The following TRANK1 variants were observed in gnomAD, a reference collection of about 807,000 sequenced individuals.
The protein encoded by TRANK1 is tetratricopeptide repeat and ankyrin repeat containing 1.
TRANK1 carries 198 observed loss-of-function variants against 266.0 expected under a neutral mutation model. The ratio of observed to expected loss-of-function variants is 0.74; its 90% CI spans 0.66 to 0.84. The LOEUF (loss-of-function observed/expected upper bound fraction) is 0.84. Among genes scored for constraint, TRANK1 ranks in the 40% least tolerant of loss-of-function variants. The probability of loss-of-function intolerance (pLI) is 0.00; values close to 1 mark genes in which losing one functional copy is unlikely to be tolerated. For missense variants in TRANK1, 3,326 were observed against 3,634.6 expected, an observed-to-expected ratio of 0.92 and a Z score of 2.18; for synonymous variants, 1,396 against 1,384.1, an observed-to-expected ratio of 1.01 and a Z score of -0.19.
intron 8 of TRANK1, among the ~76,000 whole-genome samples, chr3:36,886,584 A>G (rs2079609169): frequency 6.6e-6 from 1 of 152,164 alleles, no homozygotes; most frequent in Non-Finnish European, 1.5e-5. Context: ...AGAGTGAAAC[A>G]TGCTGGATTT....
intron 9 of TRANK1, among the ~76,000 whole-genome samples, chr3:36,868,938 G>A (rs2079265847): frequency 6.6e-6 from 1 of 152,340 alleles, no homozygotes; most frequent in South Asian, 2.1e-4. Flanking sequence ...GTAAATCAGA[G>A]AGAAGATCAC....
At chr3:36,913,909 C>A (rs1202713951) in intron 1 of TRANK1, among the ~76,000 whole-genome samples, 1 of 152,102 alleles carries the variant, frequency 6.6e-6, no homozygotes, top group African/African-American at 2.4e-5. Flanking sequence ...TTATCCCCTT[C>A]GCCCATCAAC....
At chr3:36,840,233 CAAA>C (rs755362525) in intron 18 of TRANK1, among the ~76,000 whole-genome samples, 4 of 131,828 alleles carry the variant, frequency 3.0e-5, no homozygotes, top group Middle Eastern at 3.8e-3. Flanking sequence ...CCTGCCCCAC[CAAA>C]AAAAAAAAAA....
In TRANK1 at chr3:36,832,839, T is replaced by C; in HGVS notation, c.6744A>G (p.Glu2248=). The C allele has an allele frequency of 6.2e-7, 1 of 1,614,020 alleles. No homozygotes were observed. The highest frequency in any genetic ancestry group is 8.5e-7 in the Non-Finnish European group (1 of 1,179,866). ...AKKVFPKILA[E]ELKEIDYILS... ...AAATATAATCAATTTCTTTAAGTTC[T>C]TCTGCTAAGATTTTAGGGAATACTT... The change falls in exon 22 of 24, where the codon GAA becomes GAG. Residue 2248 remains glutamate (E), a synonymous_variant. Coordinates refer to ENST00000645898, the MANE Select transcript of TRANK1 (RefSeq NM_001329998.2).
chr3:36,944,570 C>A (rs1450909852), intron 1 of TRANK1, among the ~76,000 whole-genome samples: 1 of 152,106 alleles, frequency 6.6e-6, no homozygotes, highest in Non-Finnish European at 1.5e-5. Context: ...CTGGTCCCTC[C>A]GGACCGAAAA....
chr3:36,828,480 A>G (rs2078656561), intron 23 of TRANK1, 105 bp from the exon 24 acceptor site: 1 of 833,458 alleles, frequency 1.2e-6, no homozygotes, highest in African/African-American at 1.7e-5. Context: ...GGAGGAAGGA[A>G]GAAAGGAAGG....
chr3:36,880,181 T>TACTA (rs35676284), intron 8 of TRANK1: 5,563 of 100,092 alleles, frequency 0.056, 37 homozygotes, highest in East Asian at 0.17. Context: ...TGTGAACAAT[T>TACTA]ACATCATCTT....
At chr3:36,835,042 G>A (rs2078748796) in intron 20 of TRANK1, 135 bp from the exon 21 acceptor site, 16 of 950,572 alleles carry the variant, frequency 1.7e-5, no homozygotes, top group East Asian at 3.0e-5. Context: ...ACCCTAGGCC[G>A]GGCGTGGTGG....
intron 9 of TRANK1, among the ~76,000 whole-genome samples, chr3:36,866,391 G>T (rs1263612334): frequency 6.6e-6 from 1 of 152,222 alleles, no homozygotes; most frequent in Non-Finnish European, 1.5e-5. Flanking sequence ...CTTCAGTCAG[G>T]TTCCCTGGCA....
At chr3:36,833,981 C>T (rs2125508036) in intron 21 of TRANK1, 62 bp from the exon 22 acceptor site, 4 of 1,495,438 alleles carry the variant, frequency 2.7e-6, no homozygotes, top group East Asian at 2.3e-5. Context: ...AAATTTCCTC[C>T]AAAATACAGT....
intron 15 of TRANK1, chr3:36,851,361 C>A (rs1302426930): frequency 9.8e-7 from 1 of 1,020,008 alleles, no homozygotes; most frequent in Non-Finnish European, 1.2e-6. Context: ...GTGGACATTG[C>A]TAACCTTGGC....
chr3:36,829,756 C>G (rs2078670855), intron 22 of TRANK1, 94 bp from the exon 23 acceptor site: 1 of 1,337,476 alleles, frequency 7.5e-7, no homozygotes, highest in Non-Finnish European at 1.1e-6. Flanking sequence ...ATCCCAAGAG[C>G]TGGTCTCTAT....
Position 36,831,137 on chromosome 3 carries a change from C to T in TRANK1, c.8446G>A (p.Glu2816Lys), listed in dbSNP as rs1351831870. Reference protein sequence around the residue: ...EREECQERNSESYEQHIHLEH... With the variant: ...EREECQERNSKSYEQHIHLEH... ...AGATGGATATGCTGCTCGTAAGACT[C>T]GCTGTTCCTCTCCTGACACTCCTCC... is the stretch of plus-strand genomic sequence containing the variant. The change falls in exon 22 of 24, where the codon GAG becomes AAG. Residue 2816 changes from glutamate to lysine, a missense_variant. Coordinates refer to ENST00000645898, the MANE Select transcript of TRANK1 (RefSeq NM_001329998.2). This position sits in a 1 kb window ranked among gnomAD's most constrained non-coding sequence, Gnocchi z 5.0. 9 of 1,613,880 alleles carry T rather than the reference C, an allele frequency of 5.6e-6. No individual in the cohort carries two copies. Among genetic ancestry groups the T allele is most frequent in the East Asian group, 4.5e-5 (2 of 44,884 alleles).
chr3:36,870,846 G>A (rs2079296952), intron 9 of TRANK1, among the ~76,000 whole-genome samples: 2 of 151,370 alleles, frequency 1.3e-5, no homozygotes, highest in Admixed American at 1.3e-4. Context: ...TCCAAACCCA[G>A]GTCACATTTA....
At chr3:36,940,780 T>G (rs1559484179) in intron 1 of TRANK1, among the ~76,000 whole-genome samples, 1 of 152,106 alleles carries the variant, frequency 6.6e-6, no homozygotes, top group African/African-American at 2.4e-5. Flanking sequence ...ATACCCAATA[T>G]GGACCCTTGG....
Position 36,857,827 on chromosome 3 carries a change from C to T in TRANK1, c.1895G>A (p.Arg632Gln), listed in dbSNP as rs779406698. ...AGAGTCGTTCTTCTTAATCCGGTGCCGTGCATCTTTGCCCTCTTTGTTCTT... is the reference window on the plus strand; with the variant it reads ...AGAGTCGTTCTTCTTAATCCGGTGCTGTGCATCTTTGCCCTCTTTGTTCTT... ...NLKNKEGKDA[R>Q]HRIKKNDSLL... is the part of the protein sequence containing the mutation. Residue 632 changes from arginine (R) to glutamine (Q), a missense_variant, in exon 13 of 24, where the codon CGG becomes CAG. Coordinates refer to ENST00000645898, the MANE Select transcript of TRANK1 (RefSeq NM_001329998.2). This position sits in a 1 kb window ranked among gnomAD's most constrained non-coding sequence, Gnocchi z 4.3. 3 of 1,613,810 alleles carry T rather than the reference C, an allele frequency of 1.9e-6. No homozygotes were observed. Among genetic ancestry groups the T allele is most frequent in the Admixed American group, 1.7e-5 (1 of 60,000 alleles).
At chr3:36,835,912 C>T (rs115706508) in intron 20 of TRANK1, among the ~76,000 whole-genome samples, 1,530 of 152,272 alleles carry the variant, frequency 0.01, 30 homozygotes, top group African/African-American at 0.035. Flanking sequence ...CTCTTGCAAC[C>T]ACAAGAAAAA....
intron 1 of TRANK1, among the ~76,000 whole-genome samples, chr3:36,918,496 AAAGAAAG>A (rs1482770634): frequency 4.6e-5 from 1 of 21,720 alleles, no homozygotes; most frequent in East Asian, 1.2e-3. Flanking sequence ...AGAAAGAAAG[AAAGAAAG>A]AAAGAAAGAA....
intron 15 of TRANK1, chr3:36,851,181 C>A: frequency 1.0e-6 from 1 of 985,768 alleles, no homozygotes; most frequent in Non-Finnish European, 1.2e-6. Context: ...CCATCATCTG[C>A]ATGAGCTGCA....
Sources: gnomAD v4.1 joint callset for allele counts (sites outside exome capture counted in the v4.1 genomes callset) on GRCh38, gnomAD v4.1.1 for gene constraint, Gnocchi (gnomAD v3.1) non-coding constraint, MANE v1.5 for transcripts, NCBI Gene and HGNC (gene_info 2026-07-23, HGNC 2026-07-21) for gene names.